Variants in ABCA3 observed in about 807,000 individuals in gnomAD.
The protein encoded by ABCA3 is phospholipid-transporting ATPase ABCA3.
In ABCA3, 88 loss-of-function variants were observed where a neutral mutation model predicts 172.8. The ratio of observed to expected loss-of-function variants is 0.51; its 90% confidence interval spans 0.43 to 0.61. The LOEUF (loss-of-function observed/expected upper bound fraction) is 0.61. Ranked by LOEUF, ABCA3 falls within the 20% of genes least tolerant of loss-of-function variation. ABCA3 has a pLI of 0.00. For synonymous variants in ABCA3, 1,066 were observed against 983.8 expected (o/e 1.08, Z -1.56); for missense variants, 2,164 against 2,301.0 (o/e 0.94, Z 1.22).
intron 18 of ABCA3, among the ~76,000 whole-genome samples, chr16:2,295,327 C>T (rs772617198): frequency 2.0e-5 from 3 of 152,224 alleles, no homozygotes; most frequent in Non-Finnish European, 2.9e-5. Flanking sequence ...CCTGCATCAG[C>T]GCTGAGCACC....
In ABCA3 at chr16:2,295,642, T is replaced by C; in HGVS notation, c.2362A>G (p.Ser788Gly). The C allele has an allele frequency of 1.2e-6, 2 of 1,613,996 alleles. No homozygotes were observed. Among genetic ancestry groups the C allele is most frequent in the Non-Finnish European group, 1.7e-6 (2 of 1,180,028 alleles). Residue 788 changes from serine (S) to glycine (G), a missense_variant, in exon 18 of 33, where the codon AGC becomes GGC. Physicochemically the swap from Ser to Gly is moderately conservative, Grantham distance 56. Around this residue, in one of 3 missense-constraint regions of ABCA3, gnomAD observed 1,343 missense variants for 1,369.6 expected, o/e 0.98. Transcript: ENST00000301732. ...AAAGACAGCTCGGCCCCAGCGCTGC[T>C]CTCCAGCGTGGCGTTGGGCACGTGG... The part of the protein sequence containing the change: ...HHHVPNATLE[S>G]SAGAELSFIL...
In ABCA3 at chr16:2,326,159, TAGA is replaced by T; in HGVS notation, c.167_169del (p.Ile56_Tyr57delinsAsn). On this transcript the variant is annotated inframe_deletion, in exon 5 of 33. Transcript: ENST00000301732. ...CAGCTCCTGGATGGACTGGCCCGGG[TAGA>T]TGGTGGCGTTGGGCACATTTTCCGA... 1 of 1,613,892 alleles carries T rather than the reference TAGA, an allele frequency of 6.2e-7. No homozygotes were observed. The highest frequency in any genetic ancestry group is 1.1e-5 in the South Asian group (1 of 91,062).
Position 2,276,703 on chromosome 16 carries a change from G to A in ABCA3, c.5086C>T (p.Gln1696Ter). 1 of 1,613,566 alleles carries A rather than the reference G, an allele frequency of 6.2e-7. No homozygotes were observed. The highest frequency in any genetic ancestry group is 8.5e-7 in the Non-Finnish European group (1 of 1,180,048). Residue 1696 changes from glutamine (Q) to a stop codon, truncating the protein, a stop_gained, in exon 33 of 33, where the codon CAG (glutamine) becomes TAG (stop). Coordinates refer to ENST00000301732, the MANE Select transcript of ABCA3 (RefSeq NM_001089.3). LOFTEE classifies it high-confidence loss of function. The part of the protein sequence containing the change: ...EQVFLSFAHL[Q>*]PPTAEEGR ...CGCCCCTCCTCTGCGGTGGGCGGCT[G>A]CAGGTGGGCGAAGCTCAGGAAGACC...
At chr16:2,314,459 G>C (rs1388866261) in intron 10 of ABCA3, among the ~76,000 whole-genome samples, 1 of 152,076 alleles carries the variant, frequency 6.6e-6, no homozygotes, top group East Asian at 1.9e-4. Context: ...CCAGGGAAGG[G>C]GGGTGGGGGA....
Position 2,295,637 on chromosome 16 carries a change from G to A in ABCA3, c.2367C>T (p.Ser789=), listed in dbSNP as rs1396222239. Residue 789 remains serine (S), a synonymous_variant, in exon 18 of 33, where the codon AGC becomes AGT. Coordinates refer to ENST00000301732, the MANE Select transcript of ABCA3 (RefSeq NM_001089.3). Reference sequence around the variant, plus strand: ...GGATGAAAGACAGCTCGGCCCCAGCGCTGCTCTCCAGCGTGGCGTTGGGCA... The same window carrying A: ...GGATGAAAGACAGCTCGGCCCCAGCACTGCTCTCCAGCGTGGCGTTGGGCA... The part of the protein sequence containing the change: ...HHVPNATLES[S]AGAELSFILP... 6 of 1,614,026 alleles carry A rather than the reference G, an allele frequency of 3.7e-6. No homozygotes were observed. Among genetic ancestry groups the A allele is most frequent in the East Asian group, 2.2e-5 (1 of 44,884 alleles).
intron 26 of ABCA3, among the ~76,000 whole-genome samples, chr16:2,282,471 C>T (rs780940118): frequency 5.3e-5 from 8 of 152,236 alleles, no homozygotes; most frequent in South Asian, 2.1e-4. Flanking sequence ...AATTCCCCCT[C>T]GGCTAAGCTG....
intron 5 of ABCA3, 92 bp from the exon 6 acceptor site, chr16:2,324,623 G>T: frequency 6.4e-7 from 1 of 1,569,754 alleles, no homozygotes; most frequent in Non-Finnish European, 8.6e-7. Context: ...GATGAAAGAC[G>T]GCAAATCCTC....
At chr16:2,293,763 G>C (rs894140834) in intron 18 of ABCA3, among the ~76,000 whole-genome samples, 1 of 151,388 alleles carries the variant, frequency 6.6e-6, no homozygotes, top group Admixed American at 6.6e-5. Flanking sequence ...GGATGGTCTC[G>C]ATCTCCTGAC....
intron 10 of ABCA3, among the ~76,000 whole-genome samples, chr16:2,309,219 T>C (rs1391121690): frequency 6.6e-6 from 1 of 152,120 alleles, no homozygotes; most frequent in Non-Finnish European, 1.5e-5. Context: ...GTGCTGGGAT[T>C]ACAGGCGTGA....
rs756270391 is a variant in ABCA3 at position 2,297,808 on chromosome 16, C to G, written c.2010G>C (p.Arg670Ser). 17 of 1,613,398 alleles carry G rather than the reference C, an allele frequency of 1.1e-5. No individual in the cohort carries two copies. In the African/African-American group the frequency reaches 1.7e-4, roughly 16 times the overall value. Residue 670 changes from arginine (R) to serine (S), a missense_variant, in exon 16 of 33, where the codon AGG (arginine) becomes AGC (serine). Arg to Ser is a moderately radical substitution (Grantham distance 110, BLOSUM62 -1). Coordinates refer to ENST00000301732, the MANE Select transcript of ABCA3 (RefSeq NM_001089.3). The surrounding 1 kb of genome is among the most constrained non-coding windows in gnomAD (Gnocchi z 5.6). ...SRSRFLSGGM[R>S]RKLSIGIALI... is the part of the protein sequence containing the mutation. ...GGGCGATGCCGATGGAGAGCTTGCGCCTCATGCCCCCGCTCAGGAAGCGGC... is the reference window on the plus strand; with the variant it reads ...GGGCGATGCCGATGGAGAGCTTGCGGCTCATGCCCCCGCTCAGGAAGCGGC...
Position 2,312,371 on chromosome 16 carries a change from T to C in ABCA3, c.1112-3748A>G, listed in dbSNP as rs564822046. On this transcript the variant is annotated intron_variant, in intron 10 of 32. Transcript: ENST00000301732. ...CAACTCAAGCAACTGTACATGTACT[T>C]TTCCTCAAGATAATCCATGGTTCAG... Among the ~76,000 whole-genome samples the C allele has an allele frequency of 2.0e-5, 3 of 152,306 alleles. No homozygotes were observed. In the South Asian group the frequency reaches 6.2e-4, roughly 32 times the overall value.
intron 13 of ABCA3, among the ~76,000 whole-genome samples, chr16:2,299,734 C>T (rs1182917770): frequency 6.6e-6 from 1 of 152,234 alleles, no homozygotes; most frequent in Non-Finnish European, 1.5e-5. Context: ...ACGTCCCAGA[C>T]ACCCTCAGTG....
rs1241904972 is a variant in ABCA3, at chr16:2,292,125, T to C, written c.2513+15A>G. On this transcript the variant is annotated intron_variant, in intron 19 of 32. Coordinates refer to ENST00000301732, the MANE Select transcript of ABCA3 (RefSeq NM_001089.3). The stretch of plus-strand genomic sequence containing the variant: ...GAGCCCAGTCCTAGGTGGACGGAAA[T>C]GCGCATTTACTGACCGAAGGAAGAC... 6.2e-7 allele frequency: 1 copy of C among 1,600,698 alleles called. No homozygotes were observed. Among genetic ancestry groups the C allele is most frequent in the African/African-American group, 1.3e-5 (1 of 74,342 alleles).
rs143814058 is a variant in ABCA3 at position 2,326,155 on chromosome 16, C to A, written c.174G>T (p.Pro58=). Residue 58 remains proline (P), a synonymous_variant, in exon 5 of 33, where the codon CCG becomes CCT. Transcript: ENST00000301732. ...SENVPNATIY[P]GQSIQELPLF... ...GAGGCAGCTCCTGGATGGACTGGCC[C>A]GGGTAGATGGTGGCGTTGGGCACAT... 4 of 1,614,016 alleles carry A rather than the reference C, an allele frequency of 2.5e-6. No individual in the cohort carries two copies. The highest frequency in any genetic ancestry group is 3.4e-6 in the Non-Finnish European group (4 of 1,180,058).
rs370069676 is a variant in ABCA3 at position 2,297,963 on chromosome 16, G to A, written c.1897-42C>T. The stretch of plus-strand genomic sequence containing the variant: ...CGCAGGGAGATGCAGGGCTCCTGGC[G>A]GGAGGCCGACCCTGGCCAGCGAGGT... On this transcript the variant is annotated intron_variant, in intron 15 of 32. Transcript: ENST00000301732. This position sits in a 1 kb window ranked among gnomAD's most constrained non-coding sequence, Gnocchi z 5.6. 15 of 1,610,978 alleles carry A rather than the reference G, an allele frequency of 9.3e-6. No homozygotes were observed. Among genetic ancestry groups the A allele is most frequent in the Admixed American group, 1.7e-5 (1 of 59,868 alleles).
chr16:2,285,151 G>T lies in ABCA3; in HGVS notation c.3484-153C>A, dbSNP rs1050453255. Among the ~76,000 whole-genome samples the T allele has an allele frequency of 1.3e-5, 2 of 152,176 alleles. No homozygotes were observed. Among genetic ancestry groups the T allele is most frequent in the Non-Finnish European group, 2.9e-5 (2 of 68,032 alleles). On this transcript the variant is annotated intron_variant, in intron 23 of 32. Transcript: ENST00000301732. The surrounding 1 kb of genome is among the most constrained non-coding windows in gnomAD (Gnocchi z 4.7). ...CCCACAGGCCACGTCTGGCCCCCGC[G>T]GTGGCTTTCAGCCCCAGGACCCTCT...
rs984602472 is a variant in ABCA3, at chr16:2,324,931, G to C, written c.320-400C>G. Among the ~76,000 whole-genome samples, 8 of 152,262 alleles carry C rather than the reference G, an allele frequency of 5.3e-5. 1 individual carries two copies. In the South Asian group the frequency reaches 1.7e-3, roughly 32 times the overall value. On this transcript the variant is annotated intron_variant, in intron 5 of 32. Transcript: ENST00000301732. The stretch of plus-strand genomic sequence containing the variant: ...GATGCTAACTCAGAGTGTCTCAAAG[G>C]CTTTTTCTATCATCTGGACACTCCT...
At position 2,287,387 on chromosome 16, in the gene ABCA3, C is replaced by T. The variant is rs372667327; in HGVS notation, c.3005-420G>A. Among the ~76,000 whole-genome samples, 10 of 152,220 alleles carry T rather than the reference C, an allele frequency of 6.6e-5. No individual in the cohort carries two copies. The highest frequency in any genetic ancestry group is 5.8e-4 in the East Asian group (3 of 5,174). ...CTCCACCGCCCAGGTTCAAGCCATT[C>T]TCCTGCCTCAGCCTCCAGAGTAGCT... is the stretch of plus-strand genomic sequence containing the variant. On this transcript the variant is annotated intron_variant, in intron 21 of 32. Transcript: ENST00000301732. This position sits in a 1 kb window ranked among gnomAD's most constrained non-coding sequence, Gnocchi z 4.1.
chr16:2,313,055 A>C (rs1052020509), intron 10 of ABCA3, among the ~76,000 whole-genome samples: 1 of 152,024 alleles, frequency 6.6e-6, no homozygotes, highest in African/African-American at 2.4e-5. Flanking sequence ...ACCATGTCTC[A>C]AAACAAAAAA....
Sources: allele counts gnomAD v4.1 joint callset (sites outside exome capture counted in the v4.1 genomes callset), GRCh38; gene constraint gnomAD v4.1.1; regional missense constraint gnomAD v4.1.1; non-coding constraint Gnocchi (gnomAD v3.1); transcripts MANE v1.5; gene names NCBI Gene and HGNC (gene_info 2026-07-23, HGNC 2026-07-21).